SRGAP3: variants seen among roughly 807,000 people sequenced by gnomAD.
The protein encoded by SRGAP3 is SLIT-ROBO Rho GTPase-activating protein 3.
Under a neutral mutation model 121.1 loss-of-function variants are expected in SRGAP3, and 39 were observed. The observed-to-expected ratio is 0.32, with a 90% CI of 0.25 to 0.42. SRGAP3 has a LOEUF of 0.42. SRGAP3 is among the 10% of genes least tolerant of loss of function. SRGAP3 has a pLI of 1.00. For synonymous variants in SRGAP3, 601 were observed against 570.0 expected (o/e 1.05, Z -0.77); for missense variants, 1,213 against 1,470.6 (o/e 0.82, Z 2.86).
At position 9,284,718 on chromosome 3, in the gene SRGAP3, A is replaced by G. The variant is rs915911662; in HGVS notation, n.442+41292T>C. On this transcript the variant is annotated intron_variant and non_coding_transcript_variant, in intron 3 of 3. Coordinates refer to the SRGAP3 transcript ENST00000490889. The stretch of plus-strand genomic sequence containing the variant: ...GGTGTCATGCACCTGTAGTAGTCCC[A>G]GCTACTCGGGAGACTGACACAGGAG... Among the ~76,000 whole-genome samples, 6 of 151,796 alleles carry G rather than the reference A, an allele frequency of 4.0e-5. No individual in the cohort carries two copies. The South Asian group carries it at 1.2e-3, about 32-fold the overall frequency.
At chr3:9,235,873 AT>A (rs1273345149) in intron 1 of SRGAP3, 1 of 152,338 alleles carries the variant, frequency 6.6e-6, no homozygotes, top group Non-Finnish European at 1.5e-5. Flanking sequence ...GATGGGTGGC[AT>A]TTAATGTGAA....
Position 9,288,130 on chromosome 3 carries a change from G to GTTTTTTT in SRGAP3, n.442+37873_442+37879dup, listed in dbSNP as rs57076828. Among the ~76,000 whole-genome samples, 195 of 119,060 alleles carry GTTTTTTT rather than the reference G, an allele frequency of 1.6e-3. 2 individuals are homozygous for GTTTTTTT. Among genetic ancestry groups the GTTTTTTT allele is most frequent in the Non-Finnish European group, 2.5e-3 (146 of 59,432 alleles). The allele number at this position is 119,060 out of a possible 152,430, so 78.1% of individuals were successfully genotyped here. On this transcript the variant is annotated intron_variant and non_coding_transcript_variant, in intron 3 of 3. Transcript: ENST00000490889. ...TATTGAATTGTTTCATTCTATCTTTGTTTTTTTTTTTTTTTTTTCTTTGGA... is the reference window on the plus strand; with the variant it reads ...TATTGAATTGTTTCATTCTATCTTTGTTTTTTTTTTTTTTTTTTTTTTTTTCTTTGGA...
chr3:9,044,183 T>C (rs1045655847), intron 10 of SRGAP3, among the ~76,000 whole-genome samples: 14 of 152,224 alleles, frequency 9.2e-5, no homozygotes, highest in African/African-American at 2.4e-4. Flanking sequence ...ATCTAACTTG[T>C]AGTTTCCTTG....
intron 14 of SRGAP3, among the ~76,000 whole-genome samples, chr3:9,017,365 A>G (rs1943690396): frequency 6.6e-6 from 1 of 152,198 alleles, no homozygotes; most frequent in Non-Finnish European, 1.5e-5. Context: ...TAATAATTAC[A>G]TTCATCTGCT....
intron 1 of SRGAP3, among the ~76,000 whole-genome samples, chr3:9,341,039 C>G: frequency 6.6e-6 from 1 of 152,196 alleles, no homozygotes; most frequent in South Asian, 2.1e-4. Context: ...AAAGTGTCCT[C>G]ACATAACAGA....
At chr3:9,090,298 T>C (rs986881884) in intron 3 of SRGAP3, among the ~76,000 whole-genome samples, 9 of 151,930 alleles carry the variant, frequency 5.9e-5, no homozygotes, top group African/African-American at 2.2e-4. Flanking sequence ...AAGACCTGCA[T>C]ACAAAAGGAG....
At chr3:9,176,237 TC>T (rs1186368872) in intron 1 of SRGAP3, among the ~76,000 whole-genome samples, 4 of 152,108 alleles carry the variant, frequency 2.6e-5, no homozygotes, top group Admixed American at 6.6e-5. Context: ...GGATTCTTAA[TC>T]CCTCCACATG....
At chr3:9,237,243 C>T (rs781272850) in intron 1 of SRGAP3, among the ~76,000 whole-genome samples, 1 of 152,176 alleles carries the variant, frequency 6.6e-6, no homozygotes, top group Non-Finnish European at 1.5e-5. Context: ...ACCTAGAACA[C>T]CCATTGCCCC....
At chr3:9,346,071 A>G (rs544651669) in intron 1 of SRGAP3, among the ~76,000 whole-genome samples, 1 of 152,282 alleles carries the variant, frequency 6.6e-6, no homozygotes, top group East Asian at 1.9e-4. Flanking sequence ...TTCACAAAAA[A>G]CGTGCAGTAG....
chr3:9,097,905 G>T (rs886855726), intron 3 of SRGAP3, among the ~76,000 whole-genome samples: 1 of 152,146 alleles, frequency 6.6e-6, no homozygotes, highest in African/African-American at 2.4e-5. Context: ...ACCACAGTCC[G>T]ACTTCTCGGT....
intron 1 of SRGAP3, among the ~76,000 whole-genome samples, chr3:9,166,113 C>T (rs1322039578): frequency 6.6e-6 from 1 of 152,202 alleles, no homozygotes; most frequent in Non-Finnish European, 1.5e-5. Context: ...CCATTCCCAT[C>T]ACAGCCTTTG....
Position 8,990,514 on chromosome 3 carries a change from C to T in SRGAP3, c.2884G>A (p.Glu962Lys). The part of the protein sequence containing the change: ...HKSLEAEALA[E>K]DIEKTMSTAL... ...CCTGCCTTCCCGCTGGCCCTTACTTCTGCCAGGGCCTCGGCCTCCAGGGAC... is the reference window on the plus strand; with the variant it reads ...CCTGCCTTCCCGCTGGCCCTTACTTTTGCCAGGGCCTCGGCCTCCAGGGAC... Residue 962 changes from glutamate (E) to lysine (K), a missense_variant and splice_region_variant, in exon 21 of 22, where the codon GAA becomes AAA. Transcript: ENST00000383836. 1 of 1,554,116 alleles carries T rather than the reference C, an allele frequency of 6.4e-7. No homozygotes were observed. The highest frequency in any genetic ancestry group is 8.7e-7 in the Non-Finnish European group (1 of 1,148,938).
intron 1 of SRGAP3, among the ~76,000 whole-genome samples, chr3:9,242,599 C>T (rs2125238899): frequency 6.6e-6 from 1 of 152,354 alleles, no homozygotes; most frequent in South Asian, 2.1e-4. Flanking sequence ...CGTGCCACTG[C>T]ACTCCAGGCT....
intron 1 of SRGAP3, among the ~76,000 whole-genome samples, chr3:9,176,657 G>T (rs1951189672): frequency 6.6e-6 from 1 of 152,200 alleles, no homozygotes; most frequent in African/African-American, 2.4e-5. Context: ...GGCCTCAGGA[G>T]GCTTCCAATC....
intron 1 of SRGAP3, among the ~76,000 whole-genome samples, chr3:9,358,218 T>G (rs748352520): frequency 3.3e-5 from 5 of 151,786 alleles, no homozygotes; most frequent in Non-Finnish European, 5.9e-5. Flanking sequence ...CTCTACCCCC[T>G]TTAGCTATCA....
At chr3:9,286,765 G>C (rs553618158) in intron 3 of SRGAP3, among the ~76,000 whole-genome samples, 43 of 150,550 alleles carry the variant, frequency 2.9e-4, no homozygotes, top group African/African-American at 1.0e-3. Flanking sequence ...ACCACACCCG[G>C]CTAATTTTTC....
At chr3:9,310,831 C>T (rs1955228535) in intron 3 of SRGAP3, among the ~76,000 whole-genome samples, 1 of 152,164 alleles carries the variant, frequency 6.6e-6, no homozygotes, top group Admixed American at 6.5e-5. Flanking sequence ...CTTTAAGCTG[C>T]TTGAATGAGG....
chr3:9,064,861 TAATAAATAAATAAATA>T (rs58800068), intron 4 of SRGAP3, among the ~76,000 whole-genome samples: 155 of 149,850 alleles, frequency 1.0e-3, no homozygotes, highest in African/African-American at 3.5e-3. Context: ...TAAAAAATAA[TAATAAATAAATAAATA>T]AATAAATAAA....
chr3:9,034,775 A>G (rs959226189), intron 11 of SRGAP3: 8 of 152,154 alleles, frequency 5.3e-5, no homozygotes, highest in Admixed American at 2.0e-4. Context: ...TTCTTACAAG[A>G]GCTGCTCTTA....
Sources: allele counts gnomAD v4.1 joint callset (sites outside exome capture counted in the v4.1 genomes callset), GRCh38; gene constraint gnomAD v4.1.1; transcripts MANE v1.5; gene names NCBI Gene and HGNC (gene_info 2026-07-23, HGNC 2026-07-21).